Variants in ACTL8 observed in about 807,000 individuals in gnomAD.
ACTL8 encodes the protein actin like 8, also known as actin-like protein 8.
ACTL8 carries 3 observed loss-of-function variants against 9.3 expected under a neutral mutation model. The ratio of observed to expected loss-of-function variants is 0.32; its 90% CI spans 0.15 to 0.83. ACTL8 has a LOEUF of 0.83. ACTL8 is among the 40% of genes least tolerant of loss of function. ACTL8 has a pLI of 0.57. For missense variants in ACTL8, 381 were observed against 492.2 expected, an observed-to-expected ratio of 0.77 and a Z score of 2.14; for synonymous variants, 224 against 205.9, an observed-to-expected ratio of 1.09 and a Z score of -0.75.
At chr1:17,765,508 C>T (rs905357563) in intron 1 of ACTL8, among the ~76,000 whole-genome samples, 17 of 152,098 alleles carry the variant, frequency 1.1e-4, no homozygotes, top group South Asian at 8.3e-4. Context: ...GTGAGGAAAC[C>T]GAGGCCCAGG....
chr1:17,762,328 G>A (rs982857589), intron 1 of ACTL8, among the ~76,000 whole-genome samples: 5 of 152,060 alleles, frequency 3.3e-5, no homozygotes, highest in Non-Finnish European at 5.9e-5. Flanking sequence ...GCTGGTCCAC[G>A]CAGAAAGGAA....
intron 1 of ACTL8, among the ~76,000 whole-genome samples, chr1:17,793,784 G>A (rs530919045): frequency 3.0e-4 from 45 of 152,222 alleles, no homozygotes; most frequent in African/African-American, 1.0e-3. Flanking sequence ...TCCACCTCCC[G>A]GCCTGTGTCA....
At chr1:17,821,543 G>A (rs917979890) in intron 1 of ACTL8, among the ~76,000 whole-genome samples, 2 of 151,898 alleles carry the variant, frequency 1.3e-5, no homozygotes, top group African/African-American at 2.4e-5. Flanking sequence ...ATTATTTTTC[G>A]ACCTTGTCAA....
chr1:17,798,059 T>C (rs189470925), intron 1 of ACTL8, among the ~76,000 whole-genome samples: 186 of 150,174 alleles, frequency 1.2e-3, no homozygotes, highest in Non-Finnish European at 2.3e-3. Context: ...CTGTGTTACC[T>C]CCACCACATC....
At chr1:17,756,569 A>G (rs1027529910) in intron 1 of ACTL8, among the ~76,000 whole-genome samples, 11 of 152,158 alleles carry the variant, frequency 7.2e-5, no homozygotes, top group Non-Finnish European at 1.5e-4. Context: ...ATAATTCTTC[A>G]TATGAAACTT....
intron 1 of ACTL8, among the ~76,000 whole-genome samples, chr1:17,819,964 G>A (rs775085501): frequency 3.3e-5 from 5 of 151,880 alleles, no homozygotes; most frequent in Non-Finnish European, 5.9e-5. Context: ...AGACGCGATC[G>A]TGCCACTGCC....
chr1:17,772,849 A>G (rs554291853), intron 1 of ACTL8, among the ~76,000 whole-genome samples: 3 of 152,098 alleles, frequency 2.0e-5, no homozygotes, highest in African/African-American at 7.2e-5. Flanking sequence ...AAAGCCCACC[A>G]TGGGGCCTCT....
At chr1:17,821,224 C>A (rs1009683632) in intron 1 of ACTL8, among the ~76,000 whole-genome samples, 1 of 151,924 alleles carries the variant, frequency 6.6e-6, no homozygotes, top group African/African-American at 2.4e-5. Flanking sequence ...TATGGCTTGT[C>A]TTTTCATTCT....
chr1:17,814,753 A>G (rs900081208), intron 1 of ACTL8, among the ~76,000 whole-genome samples: 1 of 151,622 alleles, frequency 6.6e-6, no homozygotes, highest in Non-Finnish European at 1.5e-5. Flanking sequence ...CAACAAAACA[A>G]GACAATACAT....
chr1:17,788,023 G>A (rs957527482), intron 1 of ACTL8, among the ~76,000 whole-genome samples: 11 of 152,190 alleles, frequency 7.2e-5, no homozygotes, highest in Non-Finnish European at 1.0e-4. Flanking sequence ...CCTTTCATCT[G>A]TTTGGCCCTT....
chr1:17,774,245 C>G (rs1188125113), intron 1 of ACTL8, among the ~76,000 whole-genome samples: 1 of 152,138 alleles, frequency 6.6e-6, no homozygotes, highest in Non-Finnish European at 1.5e-5. Context: ...CGCTTCCTGC[C>G]TTTCCCTCAT....
intron 1 of ACTL8, among the ~76,000 whole-genome samples, chr1:17,773,294 A>G (rs796403069): frequency 2.0e-4 from 31 of 152,326 alleles, no homozygotes; most frequent in African/African-American, 7.5e-4. Flanking sequence ...CCCTGGGGCC[A>G]TAGCTCCAGC....
In ACTL8 at chr1:17,767,410, G is replaced by A. The variant is rs2102676442; in HGVS notation, c.-25+11906G>A. 6.6e-6 allele frequency among the ~76,000 whole-genome samples: 1 copy of A among 152,234 alleles called. No individual in the cohort carries two copies. Among genetic ancestry groups the A allele is most frequent in the African/African-American group, 2.4e-5 (1 of 41,524 alleles). Reference sequence around the variant, plus strand: ...GACGATGCTGGCAACTTAGCCTCAGGGTGCTTCTAAAGAGTCTCTTCTTAG... The same window carrying A: ...GACGATGCTGGCAACTTAGCCTCAGAGTGCTTCTAAAGAGTCTCTTCTTAG... On this transcript the variant is annotated intron_variant, in intron 1 of 2. Coordinates refer to ENST00000375406, the MANE Select transcript of ACTL8 (RefSeq NM_030812.3). The surrounding 1 kb of genome is among the most constrained non-coding windows in gnomAD (Gnocchi z 4.7).
At chr1:17,816,321 C>G (rs2066425951) in intron 1 of ACTL8, among the ~76,000 whole-genome samples, 1 of 152,070 alleles carries the variant, frequency 6.6e-6, no homozygotes, top group Non-Finnish European at 1.5e-5. Context: ...CCCACCTCAG[C>G]CTCCTGAGTA....
intron 1 of ACTL8, among the ~76,000 whole-genome samples, chr1:17,814,406 G>A (rs543423673): frequency 3.2e-4 from 49 of 152,240 alleles, no homozygotes; most frequent in African/African-American, 1.1e-3. Flanking sequence ...TGCCATACCA[G>A]TTTGTAGCAT....
At chr1:17,770,901 A>G (rs1383681101) in intron 1 of ACTL8, among the ~76,000 whole-genome samples, 1 of 152,074 alleles carries the variant, frequency 6.6e-6, no homozygotes, top group Non-Finnish European at 1.5e-5. Context: ...ATTGGAGTCA[A>G]ATGCCTGGGT....
Position 17,826,687 on chromosome 1 carries a change from C to T in ACTL8, c.*168C>T, listed in dbSNP as rs780463499. The T allele has an allele frequency of 3.1e-6, 2 of 643,748 alleles. No homozygotes were observed. The highest frequency in any genetic ancestry group is 4.8e-6 in the Non-Finnish European group (2 of 419,102). The allele number at this position is 643,748 out of a possible 1,614,324, so 39.9% of individuals were successfully genotyped here. On this transcript the variant is annotated 3_prime_UTR_variant, in exon 3 of 3. Transcript: ENST00000375406. This position sits in a 1 kb window ranked among gnomAD's most constrained non-coding sequence, Gnocchi z 4.5. Reference sequence around the variant, plus strand: ...TAGGTTCTAAGGTTTTATCTTGTTGCAAGAGTGGGACCTACCCAAGGGGGA... The same window carrying T: ...TAGGTTCTAAGGTTTTATCTTGTTGTAAGAGTGGGACCTACCCAAGGGGGA...
At chr1:17,795,344 A>T (rs746820323) in intron 1 of ACTL8, among the ~76,000 whole-genome samples, 6 of 152,214 alleles carry the variant, frequency 3.9e-5, no homozygotes, top group Admixed American at 6.5e-5. Flanking sequence ...AGGCCTGGGA[A>T]AGGAGTCCTC....
At chr1:17,810,874 G>A (rs2066389515) in intron 1 of ACTL8, among the ~76,000 whole-genome samples, 1 of 152,200 alleles carries the variant, frequency 6.6e-6, no homozygotes, top group African/African-American at 2.4e-5. Flanking sequence ...TTGTATGGAT[G>A]TACCACAGTT....
Sources: allele counts gnomAD v4.1 joint callset (sites outside exome capture counted in the v4.1 genomes callset), GRCh38; gene constraint gnomAD v4.1.1; non-coding constraint Gnocchi (gnomAD v3.1); transcripts MANE v1.5; gene names NCBI Gene and HGNC (gene_info 2026-07-23, HGNC 2026-07-21).